Variants in GLIS1 observed in about 807,000 individuals in gnomAD.
The protein encoded by GLIS1 is zinc finger protein GLIS1.
A neutral mutation model predicts 63.8 loss-of-function variants in GLIS1; 24 were observed. That is an observed-to-expected ratio of 0.38 (90% CI 0.27 to 0.53). The LOEUF is 0.53. Among genes scored for constraint, GLIS1 ranks in the 20% least tolerant of loss-of-function variants. The pLI is 0.85. For missense variants in GLIS1, 1,036 were observed against 1,074.1 expected (o/e 0.96, Z 0.50); for synonymous variants, 450 against 482.5 (o/e 0.93, Z 0.88).
intron 2 of GLIS1, among the ~76,000 whole-genome samples, chr1:53,636,776 G>C (rs1457675495): frequency 6.6e-6 from 1 of 152,156 alleles, no homozygotes; most frequent in Non-Finnish European, 1.5e-5. Flanking sequence ...GGGCCTTCTG[G>C]GAGCCCATGC....
At chr1:53,637,175 T>C (rs1645734568) in intron 2 of GLIS1, among the ~76,000 whole-genome samples, 1 of 151,312 alleles carries the variant, frequency 6.6e-6, no homozygotes, top group Non-Finnish European at 1.5e-5. Context: ...GACACCTAGC[T>C]CCCCCCGGCA....
intron 4 of GLIS1, among the ~76,000 whole-genome samples, chr1:53,593,792 G>C (rs761124154): frequency 1.3e-5 from 2 of 152,244 alleles, no homozygotes; most frequent in South Asian, 4.1e-4. Flanking sequence ...AGAAGAGGCT[G>C]GCCACGCCTG....
chr1:53,664,791 A>C lies in GLIS1; in HGVS notation c.260-64513T>G, dbSNP rs913766237. 3.4e-4 allele frequency among the ~76,000 whole-genome samples: 52 copies of C among 152,264 alleles called. 1 individual carries two copies. Among genetic ancestry groups the C allele is most frequent in the African/African-American group, 1.2e-3 (49 of 41,542 alleles). On this transcript the variant is annotated intron_variant, in intron 2 of 10. Coordinates refer to ENST00000628545, the MANE Select transcript of GLIS1 (RefSeq NM_001367484.1). ...CAAGTTGGTCAGGGAAGACTCCAAGAGGCTGGTGGCTGAGCGAAGACCTGA... is the reference window on the plus strand; with the variant it reads ...CAAGTTGGTCAGGGAAGACTCCAAGCGGCTGGTGGCTGAGCGAAGACCTGA...
intron 2 of GLIS1, among the ~76,000 whole-genome samples, chr1:53,641,262 C>T (rs114100101): frequency 4.1e-3 from 628 of 152,286 alleles, no homozygotes; most frequent in African/African-American, 0.015. Context: ...CTTTCTGAGG[C>T]TGTTTCCTCA....
rs1484170708 is a variant in GLIS1 at position 53,513,940 on chromosome 1, C to CA, written c.1883+684dup. Among the ~76,000 whole-genome samples the CA allele has an allele frequency of 3.3e-5, 5 of 152,248 alleles. No individual in the cohort carries two copies. The East Asian group carries it at 9.6e-4, about 29-fold the overall frequency. On this transcript the variant is annotated intron_variant, in intron 8 of 10. Coordinates refer to ENST00000628545, the MANE Select transcript of GLIS1 (RefSeq NM_001367484.1). ...AGGCCTGCGGGGACAAGGTGATCAG[C>CA]AAAAAACAGCAGGGAGGGCAGGAGT...
intron 2 of GLIS1, among the ~76,000 whole-genome samples, chr1:53,697,859 G>A (rs1646482013): frequency 6.6e-6 from 1 of 152,160 alleles, no homozygotes; most frequent in Admixed American, 6.5e-5. Flanking sequence ...AAGTCACAGA[G>A]CCCATAAGAG....
At chr1:53,668,057 C>G (rs781750503) in intron 2 of GLIS1, among the ~76,000 whole-genome samples, 1 of 152,208 alleles carries the variant, frequency 6.6e-6, no homozygotes, top group Non-Finnish European at 1.5e-5. Context: ...ACCTGCCTGC[C>G]CACCGCAGCA....
At chr1:53,678,420 C>T (rs1211057593) in intron 2 of GLIS1, among the ~76,000 whole-genome samples, 1 of 151,606 alleles carries the variant, frequency 6.6e-6, no homozygotes, top group Non-Finnish European at 1.5e-5. Context: ...GAAACTGAGG[C>T]TCAGAGAGGT....
chr1:53,583,048 TC>T (rs1251233701), intron 4 of GLIS1, among the ~76,000 whole-genome samples: 1 of 152,154 alleles, frequency 6.6e-6, no homozygotes, highest in Non-Finnish European at 1.5e-5. Flanking sequence ...CCAAACTGCC[TC>T]CCAAAACTTG....
intron 2 of GLIS1, among the ~76,000 whole-genome samples, chr1:53,736,433 C>A (rs1281276156): frequency 6.6e-6 from 1 of 152,154 alleles, no homozygotes; most frequent in Admixed American, 6.5e-5. Context: ...AAACACAGAA[C>A]GTTGCAGGAG....
chr1:53,671,314 G>C (rs1426809224), intron 2 of GLIS1, among the ~76,000 whole-genome samples: 1 of 152,228 alleles, frequency 6.6e-6, no homozygotes, highest in Non-Finnish European at 1.5e-5. Flanking sequence ...ACAAATTGAT[G>C]AGATCTCAAG....
Position 53,514,902 on chromosome 1 carries a change from G to A in GLIS1, c.1727-121C>T, listed in dbSNP as rs112125803. On this transcript the variant is annotated intron_variant, in intron 7 of 10. Transcript: ENST00000628545. The stretch of plus-strand genomic sequence containing the variant: ...AAAGACAAGAGGGAAAATGAACAAC[G>A]TTGTATCACTGGAAGTTTAGGGGCC... 45 of 1,223,630 alleles carry A rather than the reference G, an allele frequency of 3.7e-5. No individual in the cohort carries two copies. The African/African-American group carries it at 3.7e-4, about 10-fold the overall frequency. 75.8% of individuals were successfully genotyped at this position (1,223,630 alleles called of 1,614,324 possible).
chr1:53,690,589 A>G lies in GLIS1; in HGVS notation c.259+47217T>C, dbSNP rs1570054333. The stretch of plus-strand genomic sequence containing the variant: ...CGCTGTGGCGCAGCCTGCGCTGTCC[A>G]GTGCTGTTCAGAATGCCAGGGCCGT... On this transcript the variant is annotated intron_variant, in intron 2 of 10. Transcript: ENST00000628545. Among the ~76,000 whole-genome samples the G allele has an allele frequency of 2.6e-5, 4 of 152,380 alleles. No individual in the cohort carries two copies. In the South Asian group the frequency reaches 6.2e-4, roughly 24 times the overall value.
chr1:53,669,433 G>T (rs1646128419), intron 2 of GLIS1, among the ~76,000 whole-genome samples: 1 of 152,220 alleles, frequency 6.6e-6, no homozygotes, highest in African/African-American at 2.4e-5. Flanking sequence ...AAGGGAGAAG[G>T]GAAGGGGAGG....
rs533231829 is a variant in GLIS1, at chr1:53,698,144, G to A, written c.259+39662C>T. Among the ~76,000 whole-genome samples, 57 of 120,100 alleles carry A rather than the reference G, an allele frequency of 4.7e-4. 1 individual carries two copies. In the South Asian group the frequency reaches 0.014, roughly 29 times the overall value. The allele number at this position is 120,100 out of a possible 152,430, so 78.8% of individuals were successfully genotyped here. On this transcript the variant is annotated intron_variant, in intron 2 of 10. Coordinates refer to ENST00000628545, the MANE Select transcript of GLIS1 (RefSeq NM_001367484.1). ...AAACAATTAAAGAACCAACCAGAAA[G>A]TCTCATAAACTCTCCCAGGAACACG...
chr1:53,737,759 C>T (rs1309587828), intron 2 of GLIS1, 47 bp downstream of exon 2: 5 of 1,230,160 alleles, frequency 4.1e-6, no homozygotes, highest in Middle Eastern at 3.1e-4. Flanking sequence ...CCGGGCAGCC[C>T]GAATCTCCAC....
chr1:53,721,338 C>T (rs964464211), intron 2 of GLIS1, among the ~76,000 whole-genome samples: 6 of 152,100 alleles, frequency 3.9e-5, no homozygotes, highest in Non-Finnish European at 7.4e-5. Context: ...ATCTGCAAAT[C>T]GGGGAGAGTA....
At chr1:53,643,702 G>T (rs1014341091) in intron 2 of GLIS1, among the ~76,000 whole-genome samples, 1 of 152,178 alleles carries the variant, frequency 6.6e-6, no homozygotes, top group African/African-American at 2.4e-5. Context: ...ACGGCGGGAG[G>T]GTGAGGCCTC....
chr1:53,594,536 C>A lies in GLIS1; in HGVS notation c.892G>T (p.Gly298Cys). 6.2e-7 allele frequency: 1 copy of A among 1,606,460 alleles called. No individual in the cohort carries two copies. Among genetic ancestry groups the A allele is most frequent in the South Asian group, 1.1e-5 (1 of 90,940 alleles). The stretch of plus-strand genomic sequence containing the variant: ...TCATGGCTGTCCGTCGATGCAGGGC[C>A]AGGCCGGGCCCGCTTGGAAGGGCCC... ...LGGPSKRARP[G>C]PASTDSHEGS... The change falls in exon 4 of 11, where the codon GGC becomes TGC. Residue 298 changes from glycine to cysteine, a missense_variant. By Grantham distance (159) the Gly-to-Cys change is radical. Around this residue, in one of 3 missense-constraint regions of GLIS1, gnomAD observed 592 missense variants for 593.9 expected, o/e 1.00. Coordinates refer to ENST00000628545, the MANE Select transcript of GLIS1 (RefSeq NM_001367484.1).
Sources: gnomAD v4.1 joint callset for allele counts (sites outside exome capture counted in the v4.1 genomes callset) on GRCh38, gnomAD v4.1.1 for gene constraint, gnomAD v4.1.1 regional missense constraint, MANE v1.5 for transcripts, NCBI Gene and HGNC (gene_info 2026-07-23, HGNC 2026-07-21) for gene names.